ADCY2: variants seen among roughly 807,000 people sequenced by gnomAD.
The protein encoded by ADCY2 is adenylate cyclase type 2.
ADCY2 carries 31 observed loss-of-function variants against 125.2 expected under a neutral mutation model. The ratio of observed to expected loss-of-function variants is 0.25; its 90% CI spans 0.19 to 0.33. The LOEUF (loss-of-function observed/expected upper bound fraction) is 0.33. ADCY2 is among the 10% of genes least tolerant of loss of function. ADCY2 has a pLI of 1.00. For synonymous variants in ADCY2, 512 were observed against 548.4 expected, an observed-to-expected ratio of 0.93 and a Z score of 0.93; for missense variants, 904 against 1,418.2, an observed-to-expected ratio of 0.64 and a Z score of 5.82.
intron 4 of ADCY2, among the ~76,000 whole-genome samples, chr5:7,637,719 A>G (rs1738559952): frequency 6.6e-6 from 1 of 152,204 alleles, no homozygotes; most frequent in Non-Finnish European, 1.5e-5. Flanking sequence ...AAGTTTAACT[A>G]TGTTTTAGAA....
chr5:7,474,255 T>C (rs990741745), intron 2 of ADCY2, among the ~76,000 whole-genome samples: 1 of 152,212 alleles, frequency 6.6e-6, no homozygotes, highest in African/African-American at 2.4e-5. Context: ...AGATTGAACA[T>C]GTAGGAAGCT....
chr5:7,482,262 C>T (rs77338562), intron 2 of ADCY2, among the ~76,000 whole-genome samples: 4,548 of 152,118 alleles, frequency 0.03, 97 homozygotes, highest in Non-Finnish European at 0.044. Context: ...TTACCCAATT[C>T]TTATGGGATT....
intron 2 of ADCY2, among the ~76,000 whole-genome samples, chr5:7,466,317 C>G (rs1742115150): frequency 1.3e-5 from 2 of 152,186 alleles, no homozygotes; most frequent in Admixed American, 6.5e-5. Context: ...TAGTCCCAGA[C>G]TTGTTTGTAC....
At chr5:7,463,349 C>T (rs893154487) in intron 2 of ADCY2, among the ~76,000 whole-genome samples, 2 of 152,114 alleles carry the variant, frequency 1.3e-5, no homozygotes, top group South Asian at 4.1e-4. Context: ...AACAATCGTT[C>T]CATGGTGCAT....
At chr5:7,480,399 T>C (rs539574669) in intron 2 of ADCY2, among the ~76,000 whole-genome samples, 1 of 152,282 alleles carries the variant, frequency 6.6e-6, no homozygotes, top group African/African-American at 2.4e-5. Context: ...GGTACATATG[T>C]ACCATGGAAT....
chr5:7,802,962 T>C lies in ADCY2; in HGVS notation c.2775+598T>C, dbSNP rs1744645788. ...GGATATTGCAGCCACACTATTCTTA[T>C]CACTATCTTGCAAAATAGAAGAAAA... On this transcript the variant is annotated intron_variant, in intron 21 of 24. Transcript: ENST00000338316. The surrounding 1 kb of genome is among the most constrained non-coding windows in gnomAD (Gnocchi z 4.6). 1.3e-5 allele frequency among the ~76,000 whole-genome samples: 2 copies of C among 152,214 alleles called. No homozygotes were observed. Among genetic ancestry groups the C allele is most frequent in the South Asian group, 4.1e-4 (2 of 4,836 alleles).
At chr5:7,490,552 C>G (rs1402733611) in intron 2 of ADCY2, among the ~76,000 whole-genome samples, 1 of 152,042 alleles carries the variant, frequency 6.6e-6, no homozygotes, top group Non-Finnish European at 1.5e-5. Context: ...TTTATTGTCC[C>G]AATCTGAAAA....
intron 3 of ADCY2, among the ~76,000 whole-genome samples, chr5:7,621,375 T>A (rs572802399): frequency 1.3e-5 from 2 of 152,340 alleles, no homozygotes; most frequent in Admixed American, 6.5e-5. Flanking sequence ...AAGAAAAAAA[T>A]TAGTTTCTTA....
At chr5:7,737,105 G>A (rs1742272725) in intron 14 of ADCY2, among the ~76,000 whole-genome samples, 1 of 152,070 alleles carries the variant, frequency 6.6e-6, no homozygotes, top group African/African-American at 2.4e-5. Context: ...TGATATTATA[G>A]TGCCCAGAGA....
At chr5:7,502,906 C>A (rs1165370785) in intron 2 of ADCY2, among the ~76,000 whole-genome samples, 1 of 152,120 alleles carries the variant, frequency 6.6e-6, no homozygotes, top group East Asian at 1.9e-4. Flanking sequence ...GAAAGTTCTT[C>A]CTGAGGCAGT....
chr5:7,773,603 A>C (rs377364009), intron 18 of ADCY2, among the ~76,000 whole-genome samples: 8 of 152,340 alleles, frequency 5.3e-5, no homozygotes, highest in African/African-American at 1.9e-4. Context: ...ATATTGAAAA[A>C]ATAAGTAGCT....
At chr5:7,766,632 CTAGT>C in intron 16 of ADCY2, 51 bp from the exon 17 acceptor site, 1 of 1,586,712 alleles carries the variant, frequency 6.3e-7, no homozygotes, top group Non-Finnish European at 8.6e-7. Flanking sequence ...CACCCACCTG[CTAGT>C]TATTTAATCT....
At chr5:7,809,257 G>A (rs1252124599) in intron 22 of ADCY2, among the ~76,000 whole-genome samples, 1 of 152,152 alleles carries the variant, frequency 6.6e-6, no homozygotes, top group Non-Finnish European at 1.5e-5. Flanking sequence ...AATTCTCTCA[G>A]TACTGTATGT....
intron 4 of ADCY2, among the ~76,000 whole-genome samples, chr5:7,671,255 G>A (rs1739924135): frequency 6.6e-6 from 1 of 152,104 alleles, no homozygotes. Context: ...TAAGATATGT[G>A]TCATAATGGG....
chr5:7,557,453 T>C (rs561084798), intron 3 of ADCY2, among the ~76,000 whole-genome samples: 1 of 152,234 alleles, frequency 6.6e-6, no homozygotes, highest in East Asian at 1.9e-4. Flanking sequence ...GGTTTTGTTG[T>C]ACAGATTATT....
intron 14 of ADCY2, among the ~76,000 whole-genome samples, chr5:7,735,083 G>T (rs976485256): frequency 6.6e-5 from 10 of 152,180 alleles, no homozygotes; most frequent in African/African-American, 2.4e-4. Flanking sequence ...ATAGATTTTG[G>T]GAGACAGAAG....
At chr5:7,659,374 G>C (rs1288614645) in intron 4 of ADCY2, among the ~76,000 whole-genome samples, 1 of 152,186 alleles carries the variant, frequency 6.6e-6, no homozygotes, top group Non-Finnish European at 1.5e-5. Context: ...GTACATTTGT[G>C]TTCTATTTAT....
In ADCY2 at chr5:7,664,572, AC is replaced by A. The variant is rs1171210103; in HGVS notation, c.721-26116del. Among the ~76,000 whole-genome samples, 4 of 152,180 alleles carry A rather than the reference AC, an allele frequency of 2.6e-5. No homozygotes were observed. In the East Asian group the frequency reaches 7.7e-4, roughly 29 times the overall value. Reference sequence around the variant, plus strand: ...ATTCTCATCACATGGGTTTTCTGTGACCCTGTATATCATGACTTACTTTCCA... The same window carrying A: ...ATTCTCATCACATGGGTTTTCTGTGACCTGTATATCATGACTTACTTTCCA... On this transcript the variant is annotated intron_variant, in intron 4 of 24. Transcript: ENST00000338316.
chr5:7,629,248 C>G (rs937838148), intron 4 of ADCY2, among the ~76,000 whole-genome samples: 1 of 152,236 alleles, frequency 6.6e-6, no homozygotes, highest in Non-Finnish European at 1.5e-5. Flanking sequence ...CAGCCCCACT[C>G]TCTGCTGTCC....
Sources: gnomAD v4.1 joint callset for allele counts (sites outside exome capture counted in the v4.1 genomes callset) on GRCh38, gnomAD v4.1.1 for gene constraint, Gnocchi (gnomAD v3.1) non-coding constraint, MANE v1.5 for transcripts, NCBI Gene and HGNC (gene_info 2026-07-23, HGNC 2026-07-21) for gene names.